Variants in AK4 observed in about 807,000 individuals in gnomAD.
AK4 encodes adenylate kinase 4, also known as adenylate kinase 4, mitochondrial.
Under a neutral mutation model 24.6 loss-of-function variants are expected in AK4, and 13 were observed. The observed-to-expected ratio is 0.53, with a 90% confidence interval of 0.34 to 0.84. The LOEUF is 0.84. Among genes scored for constraint, AK4 ranks in the 40% least tolerant of loss-of-function variants. The pLI, the probability that AK4 is intolerant of heterozygous loss-of-function variation, is 0.01. For synonymous variants in AK4, 88 were observed against 107.0 expected (o/e 0.82, Z 1.10); for missense variants, 192 against 288.2 (o/e 0.67, Z 2.42).
intron 1 of AK4, among the ~76,000 whole-genome samples, chr1:65,158,334 AT>A (rs776098960): frequency 2.0e-5 from 3 of 152,144 alleles, no homozygotes; most frequent in Non-Finnish European, 4.4e-5. Flanking sequence ...TACCAAGTAA[AT>A]TGTTAAATGG....
Position 65,190,820 on chromosome 1 carries a change from C to A in AK4, c.256C>A (p.Leu86Ile). Residue 86 changes from leucine to isoleucine, a missense_variant, in exon 2 of 5, where the codon CTC (leucine) becomes ATC (isoleucine). Transcript: ENST00000327299. ...GGAGAACAGGCGTGGCCAGCACTGG[C>A]TCCTTGATGGTGAGTTGAAACTGTG... is the stretch of plus-strand genomic sequence containing the variant. ...ELENRRGQHW[L>I]LDGFPRTLGQ... 6.2e-7 allele frequency: 1 copy of A among 1,613,770 alleles called. No individual in the cohort carries two copies. The highest frequency in any genetic ancestry group is 2.2e-5 in the East Asian group (1 of 44,874).
At chr1:65,192,161 T>C (rs1349617011) in intron 2 of AK4, among the ~76,000 whole-genome samples, 2 of 152,184 alleles carry the variant, frequency 1.3e-5, no homozygotes, top group Non-Finnish European at 2.9e-5. Context: ...CTGGGCAATT[T>C]ATAAAGAAAA....
Position 65,227,057 on chromosome 1 carries a change from G to A in AK4, c.*880G>A, listed in dbSNP as rs910358585. The A allele has an allele frequency of 7.2e-6, 1 of 139,844 alleles. No homozygotes were observed. The highest frequency in any genetic ancestry group is 2.7e-5 in the African/African-American group (1 of 36,786). The allele number at this position is 139,844 out of a possible 1,614,324, so 8.7% of individuals were successfully genotyped here. The stretch of plus-strand genomic sequence containing the variant: ...CTGAAAGTCTTGGGAACCCCCTAAA[G>A]TCTTTTGGGAATCCTCAAAAAGCAT... On this transcript the variant is annotated 3_prime_UTR_variant, in exon 5 of 5. Transcript: ENST00000327299.
chr1:65,182,589 T>G (rs1460825626), intron 1 of AK4, among the ~76,000 whole-genome samples: 1 of 152,192 alleles, frequency 6.6e-6, no homozygotes, highest in Non-Finnish European at 1.5e-5. Flanking sequence ...TAGTTGAGAT[T>G]TGATCCTGAG....
rs181354432 is a variant in AK4, at chr1:65,162,813, C to T, written c.145+14261C>T. ...ACCCATTAGCAGTCACTCCCCATTT[C>T]CCCCTTGCCCCAGCCCTAGGCAGTT... On this transcript the variant is annotated intron_variant, in intron 1 of 4. Coordinates refer to ENST00000327299, the MANE Select transcript of AK4 (RefSeq NM_013410.4). Among the ~76,000 whole-genome samples the T allele has an allele frequency of 2.7e-3, 410 of 152,308 alleles. 1 individual carries two copies. The highest frequency in any genetic ancestry group is 6.9e-3 in the Admixed American group (105 of 15,300).
At chr1:65,184,052 A>G (rs1242229318) in intron 1 of AK4, among the ~76,000 whole-genome samples, 1 of 152,198 alleles carries the variant, frequency 6.6e-6, no homozygotes, top group Non-Finnish European at 1.5e-5. Context: ...TGCACAGTTT[A>G]ATAGTCTTAA....
In AK4 at chr1:65,223,810, C is replaced by A. The variant is rs890715116; in HGVS notation, c.439-942C>A. On this transcript the variant is annotated intron_variant, in intron 3 of 4. Coordinates refer to ENST00000327299, the MANE Select transcript of AK4 (RefSeq NM_013410.4). ...AGGAGTTCGAGACCAGCCTGACCAACGTGGTGAACCACACTGTCTCTACTA... is the reference window on the plus strand; with the variant it reads ...AGGAGTTCGAGACCAGCCTGACCAAAGTGGTGAACCACACTGTCTCTACTA... 4.4e-4 allele frequency among the ~76,000 whole-genome samples: 67 copies of A among 152,128 alleles called. 1 individual carries two copies. The highest frequency in any genetic ancestry group is 1.6e-3 in the African/African-American group (66 of 41,516).
chr1:65,201,700 G>T (rs1651667402), intron 2 of AK4, among the ~76,000 whole-genome samples: 1 of 152,170 alleles, frequency 6.6e-6, no homozygotes, highest in Non-Finnish European at 1.5e-5. Flanking sequence ...GGTGATGGCT[G>T]GCGCAGAGAG....
chr1:65,176,754 T>C (rs1412303933), intron 1 of AK4, among the ~76,000 whole-genome samples: 1 of 152,030 alleles, frequency 6.6e-6, no homozygotes, highest in African/African-American at 2.4e-5. Flanking sequence ...AATACATTGC[T>C]GTGTTGAGAG....
intron 2 of AK4, among the ~76,000 whole-genome samples, chr1:65,195,480 T>C (rs1167182457): frequency 6.6e-6 from 1 of 152,160 alleles, no homozygotes; most frequent in Non-Finnish European, 1.5e-5. Flanking sequence ...CAAAATGAAT[T>C]TGTATAGTTT....
At chr1:65,153,027 C>T (rs1649852503) in intron 1 of AK4, among the ~76,000 whole-genome samples, 1 of 152,184 alleles carries the variant, frequency 6.6e-6, no homozygotes, top group East Asian at 1.9e-4. Flanking sequence ...TATTCCATTT[C>T]CCCCCCTAGC....
chr1:65,166,376 TG>T (rs1650330524), intron 1 of AK4, among the ~76,000 whole-genome samples: 2 of 149,674 alleles, frequency 1.3e-5, no homozygotes, highest in Non-Finnish European at 1.5e-5. Context: ...AGGCTACACT[TG>T]CTCACTGTTT....
intron 1 of AK4, among the ~76,000 whole-genome samples, chr1:65,187,990 G>A (rs1393078151): frequency 6.6e-6 from 1 of 152,178 alleles, no homozygotes; most frequent in Non-Finnish European, 1.5e-5. Flanking sequence ...CTTGTCTAGT[G>A]GTAGTACTCA....
chr1:65,158,712 C>T (rs935406318), intron 1 of AK4, among the ~76,000 whole-genome samples: 7 of 151,802 alleles, frequency 4.6e-5, no homozygotes, highest in Admixed American at 6.6e-5. Flanking sequence ...TCACCATGTT[C>T]GCCAGGCTGG....
Position 65,189,655 on chromosome 1 carries a change from GCACACA to G in AK4, c.146-1037_146-1032del, listed in dbSNP as rs71681774. On this transcript the variant is annotated intron_variant, in intron 1 of 4. Coordinates refer to ENST00000327299, the MANE Select transcript of AK4 (RefSeq NM_013410.4). ...CATTTGTGGTAAAACACATACGCGT[GCACACA>G]CACACACACACACACACCCCACACA... Among the ~76,000 whole-genome samples the G allele has an allele frequency of 2.9e-5, 4 of 135,708 alleles. No homozygotes were observed. In the South Asian group the frequency reaches 6.8e-4, roughly 23 times the overall value. The allele number at this position is 135,708 out of a possible 152,430, so 89.0% of individuals were successfully genotyped here.
chr1:65,210,856 T>C (rs1415901250), intron 2 of AK4, among the ~76,000 whole-genome samples: 1 of 152,220 alleles, frequency 6.6e-6, no homozygotes, highest in Non-Finnish European at 1.5e-5. Flanking sequence ...TCACAATGAC[T>C]TTATGAATTA....
intron 2 of AK4, 141 bp downstream of exon 2, chr1:65,190,970 T>C: frequency 9.1e-7 from 1 of 1,093,930 alleles, no homozygotes; most frequent in Non-Finnish European, 1.2e-6. Flanking sequence ...TTTGGCAACA[T>C]GATAGGAACC....
At chr1:65,158,305 A>C (rs1650043318) in intron 1 of AK4, among the ~76,000 whole-genome samples, 1 of 152,208 alleles carries the variant, frequency 6.6e-6, no homozygotes, top group African/African-American at 2.4e-5. Context: ...ATGTTGAATT[A>C]CCTGTTCCCT....
chr1:65,219,452 G>A (rs370014142), intron 3 of AK4, among the ~76,000 whole-genome samples: 1 of 151,786 alleles, frequency 6.6e-6, no homozygotes, highest in East Asian at 1.9e-4. Flanking sequence ...TTGCTGTAGT[G>A]GGCAAAAAAC....
Sources: gnomAD v4.1 joint callset for allele counts (sites outside exome capture counted in the v4.1 genomes callset) on GRCh38, gnomAD v4.1.1 for gene constraint, MANE v1.5 for transcripts, NCBI Gene and HGNC (gene_info 2026-07-23, HGNC 2026-07-21) for gene names.